The following ADGRV1 variants were observed in gnomAD, a reference collection of about 807,000 sequenced individuals.
ADGRV1 encodes G-protein coupled receptor 98.
In ADGRV1, 359 loss-of-function variants were observed where a neutral mutation model predicts 596.2. The observed-to-expected ratio is 0.60, with a 90% confidence interval of 0.55 to 0.66. ADGRV1 has a LOEUF of 0.66. Among genes scored for constraint, ADGRV1 ranks in the 30% least tolerant of loss-of-function variants. The probability of loss-of-function intolerance (pLI) is 0.00; values close to 1 mark genes in which losing one functional copy is unlikely to be tolerated. For missense variants in ADGRV1, 7,274 were observed against 7,575.6 expected (o/e 0.96, Z 1.48); for synonymous variants, 2,681 against 2,679.2 (o/e 1.00, Z -0.02).
chr5:90,776,541 A>G lies in ADGRV1; in HGVS notation c.12492A>G (p.Glu4164=). ...CATCTAGGCACATCCTCATTGGGGAACCCTCAGCAAAATATAATGGTACCG... is the reference window on the plus strand; with the variant it reads ...CATCTAGGCACATCCTCATTGGGGAGCCCTCAGCAAAATATAATGGTACCG... The part of the protein sequence containing the change: ...APSSRHILIG[E]PSAKYNGTAI... Residue 4164 remains glutamate, a synonymous_variant, in exon 61 of 90, where the codon GAA becomes GAG. Coordinates refer to ENST00000405460, the MANE Select transcript of ADGRV1 (RefSeq NM_032119.4). 1.2e-6 allele frequency: 2 copies of G among 1,613,364 alleles called. No homozygotes were observed. The highest frequency in any genetic ancestry group is 1.7e-6 in the Non-Finnish European group (2 of 1,179,496).
At position 90,810,270 on chromosome 5, in the gene ADGRV1, G is replaced by A. The variant is rs368077476; in HGVS notation, c.15010G>A (p.Val5004Ile). The change falls in exon 74 of 90, where the codon GTC (valine) becomes ATC (isoleucine). Residue 5004 changes from valine to isoleucine, a missense_variant. This residue lies in a region of ADGRV1 where 1,874 missense variants were observed against 1,970.2 expected (regional missense o/e 0.95). Coordinates refer to ENST00000405460, the MANE Select transcript of ADGRV1 (RefSeq NM_032119.4). ...FIVAEIEPMGVFQFSTSSRNI... is the reference protein window; with the variant it reads ...FIVAEIEPMGIFQFSTSSRNI... ...TGTTGCTGAAATTGAACCAATGGGC[G>A]TCTTCCAATTTTCCACTAGCTCAAG... 2.1e-5 allele frequency: 34 copies of A among 1,589,888 alleles called. No homozygotes were observed. Among genetic ancestry groups the A allele is most frequent in the African/African-American group, 1.1e-4 (8 of 74,488 alleles).
chr5:90,718,981 A>G (rs924811892), intron 43 of ADGRV1, among the ~76,000 whole-genome samples: 3 of 152,224 alleles, frequency 2.0e-5, no homozygotes, highest in African/African-American at 4.8e-5. Context: ...AATCTTAAGT[A>G]TATGGCTTAG....
intron 87 of ADGRV1, among the ~76,000 whole-genome samples, chr5:91,149,571 C>A (rs1413140394): frequency 1.3e-5 from 2 of 152,034 alleles, no homozygotes; most frequent in Non-Finnish European, 2.9e-5. Flanking sequence ...GTGGCTCACA[C>A]CTGTAATCCC....
intron 77 of ADGRV1, among the ~76,000 whole-genome samples, chr5:90,830,054 G>T (rs1024186663): frequency 8.5e-5 from 13 of 152,114 alleles, no homozygotes; most frequent in Admixed American, 5.2e-4. Flanking sequence ...CTGCCTGGTT[G>T]TGTCACCATT....
At chr5:91,104,346 T>C (rs1355582884) in intron 87 of ADGRV1, among the ~76,000 whole-genome samples, 1 of 152,230 alleles carries the variant, frequency 6.6e-6, no homozygotes, top group Non-Finnish European at 1.5e-5. Context: ...TATGGGTACA[T>C]AGTGACGTAT....
intron 76 of ADGRV1, among the ~76,000 whole-genome samples, chr5:90,826,318 G>T (rs201456075): frequency 6.6e-6 from 1 of 152,032 alleles, no homozygotes; most frequent in East Asian, 1.9e-4. Flanking sequence ...CTAGATTTTT[G>T]ACCTAAGCAC....
At position 90,807,610 on chromosome 5, in the gene ADGRV1, TC is replaced by T; in HGVS notation, c.14846del (p.Ser4949TyrfsTer67). 1 of 1,611,308 alleles carries T rather than the reference TC, an allele frequency of 6.2e-7. No individual in the cohort carries two copies. Among genetic ancestry groups the T allele is most frequent in the Non-Finnish European group, 8.5e-7 (1 of 1,178,210 alleles). ...GNMTPTLGSL[S>X]FSHGEQRKGV... Reference sequence around the variant, plus strand: ...TTCATGTTTTCTTTCAGGGAGCCTTTCATTTTCCCACGGTGAACAAAGGAAA... The same window carrying T: ...TTCATGTTTTCTTTCAGGGAGCCTTTATTTTCCCACGGTGAACAAAGGAAA... On this transcript the variant is annotated frameshift_variant, in exon 73 of 90. Coordinates refer to ENST00000405460, the MANE Select transcript of ADGRV1 (RefSeq NM_032119.4). LOFTEE classifies it high-confidence loss of function.
At chr5:90,729,558 T>C in intron 49 of ADGRV1, 84 bp from the exon 50 acceptor site, 2 of 1,059,686 alleles carry the variant, frequency 1.9e-6, no homozygotes, top group Non-Finnish European at 2.7e-6. Flanking sequence ...TTCTTGATAT[T>C]TTTATTATAG....
At chr5:91,151,089 C>T (rs1482770219) in intron 88 of ADGRV1, among the ~76,000 whole-genome samples, 1 of 152,012 alleles carries the variant, frequency 6.6e-6, no homozygotes, top group Non-Finnish European at 1.5e-5. Flanking sequence ...TGAAAAATGG[C>T]AGGAAATCAA....
At chr5:91,094,545 G>A (rs1790685954) in intron 86 of ADGRV1, among the ~76,000 whole-genome samples, 1 of 152,038 alleles carries the variant, frequency 6.6e-6, no homozygotes, top group African/African-American at 2.4e-5. Flanking sequence ...CTACGAAGCT[G>A]TCAAAATAGG....
intron 36 of ADGRV1, 21 bp from the exon 37 acceptor site, chr5:90,705,379 A>C: frequency 6.2e-7 from 1 of 1,610,062 alleles, no homozygotes; most frequent in Non-Finnish European, 8.5e-7. Flanking sequence ...TCACTGTTAG[A>C]TTCCTGCCTG....
In ADGRV1 at chr5:90,916,623, G is replaced by T. The variant is rs148389270; in HGVS notation, c.17857-48792G>T. On this transcript the variant is annotated intron_variant, in intron 83 of 89. Coordinates refer to ENST00000405460, the MANE Select transcript of ADGRV1 (RefSeq NM_032119.4). ...GGAATATTTTCCTTGTTTCTTCAGCGTTCACAAATTTTTTTTTTTTTTTTT... is the reference window on the plus strand; with the variant it reads ...GGAATATTTTCCTTGTTTCTTCAGCTTTCACAAATTTTTTTTTTTTTTTTT... Among the ~76,000 whole-genome samples the T allele has an allele frequency of 9.4e-3, 1,266 of 135,358 alleles. 17 individuals are homozygous for T. Among genetic ancestry groups the T allele is most frequent in the African/African-American group, 0.032 (1,222 of 37,980 alleles). 88.8% of individuals were successfully genotyped at this position (135,358 alleles called of 152,430 possible). A position where few individuals can be genotyped will look rare whatever the true frequency, so the allele number is the denominator to read the frequency against.
chr5:90,653,309 T>C lies in ADGRV1; in HGVS notation c.3735T>C (p.Asp1245=). The change falls in exon 20 of 90, where the codon GAT becomes GAC. Residue 1245 remains aspartate, a synonymous_variant. Coordinates refer to ENST00000405460, the MANE Select transcript of ADGRV1 (RefSeq NM_032119.4). ...ATCCCTTTGGAGTTTTTATCTTGGA[T>C]CCAGAGTGTTTAGAGAGAGAAGTGG... The part of the protein sequence containing the change: ...NDDPFGVFIL[D]PECLEREVAE... The C allele has an allele frequency of 1.2e-6, 2 of 1,613,948 alleles. No homozygotes were observed. Among genetic ancestry groups the C allele is most frequent in the Non-Finnish European group, 1.7e-6 (2 of 1,179,868 alleles).
At chr5:90,796,055 C>T (rs1760674154) in intron 70 of ADGRV1, among the ~76,000 whole-genome samples, 1 of 152,088 alleles carries the variant, frequency 6.6e-6, no homozygotes, top group Non-Finnish European at 1.5e-5. Context: ...TTCCAAAAAC[C>T]AGAACGCTGC....
chr5:90,787,230 G>T (rs1734055881), intron 67 of ADGRV1, among the ~76,000 whole-genome samples: 2 of 152,194 alleles, frequency 1.3e-5, no homozygotes, highest in Admixed American at 6.5e-5. Context: ...TTTGTAGATT[G>T]TGTGAGAGGC....
intron 77 of ADGRV1, among the ~76,000 whole-genome samples, chr5:90,834,778 T>G (rs1764816357): frequency 6.6e-6 from 1 of 151,944 alleles, no homozygotes; most frequent in South Asian, 2.1e-4. Flanking sequence ...CCAATACCTC[T>G]TGGAGTTGGC....
intron 1 of ADGRV1, among the ~76,000 whole-genome samples, chr5:90,605,998 T>C (rs1191984590): frequency 1.3e-5 from 2 of 152,256 alleles, no homozygotes; most frequent in African/African-American, 4.8e-5. Flanking sequence ...ACATGTGACT[T>C]CACTAAGTCT....
At chr5:90,847,452 C>T (rs1005258131) in intron 78 of ADGRV1, among the ~76,000 whole-genome samples, 2 of 152,240 alleles carry the variant, frequency 1.3e-5, no homozygotes, top group Non-Finnish European at 2.9e-5. Context: ...CAGCTGGCTT[C>T]ACCCAGTGGA....
intron 21 of ADGRV1, among the ~76,000 whole-genome samples, chr5:90,669,689 C>T (rs1772146360): frequency 6.6e-6 from 1 of 152,154 alleles, no homozygotes; most frequent in African/African-American, 2.4e-5. Context: ...TTAAGTGTGG[C>T]TAGTAACACA....
Sources: allele counts gnomAD v4.1 joint callset (sites outside exome capture counted in the v4.1 genomes callset), GRCh38; gene constraint gnomAD v4.1.1; regional missense constraint gnomAD v4.1.1; transcripts MANE v1.5; gene names NCBI Gene and HGNC (gene_info 2026-07-23, HGNC 2026-07-21).